Variants in FBXW7 observed in about 807,000 individuals in gnomAD.
The protein encoded by FBXW7 is F-box and WD repeat domain containing 7, also known as F-box/WD repeat-containing protein 7.
Under a neutral mutation model 86.3 loss-of-function variants are expected in FBXW7, and 11 were observed. That is an observed-to-expected ratio of 0.13 (90% CI 0.08 to 0.21). The LOEUF (loss-of-function observed/expected upper bound fraction) is 0.21, where lower values mean the gene tolerates loss of function less well. Among genes scored for constraint, FBXW7 ranks in the 10% least tolerant of loss-of-function variants. The pLI is 1.00. For missense variants in FBXW7, 488 were observed against 847.4 expected (o/e 0.58, Z 5.27); for synonymous variants, 313 against 297.9 (o/e 1.05, Z -0.52).
intron 11 of FBXW7, among the ~76,000 whole-genome samples, chr4:152,326,902 A>G (rs1260573912): frequency 6.6e-6 from 1 of 152,154 alleles, no homozygotes; most frequent in Non-Finnish European, 1.5e-5. Flanking sequence ...AATATGCAAT[A>G]GGCTATAAAA....
intron 2 of FBXW7, among the ~76,000 whole-genome samples, chr4:152,484,429 A>G (rs1234888501): frequency 6.6e-6 from 1 of 152,148 alleles, no homozygotes; most frequent in East Asian, 1.9e-4. Context: ...GGAAAAAGAG[A>G]AGCTCAGATA....
intron 2 of FBXW7, among the ~76,000 whole-genome samples, chr4:152,511,299 C>G (rs557012180): frequency 2.0e-5 from 3 of 151,284 alleles, no homozygotes; most frequent in Admixed American, 1.3e-4. Flanking sequence ...CCCGCCCCCC[C>G]CACCGAATCC....
chr4:152,365,935 T>A lies in FBXW7; in HGVS notation c.502-15811A>T, dbSNP rs537252960. On this transcript the variant is annotated intron_variant, in intron 4 of 13. Coordinates refer to ENST00000281708, the MANE Select transcript of FBXW7 (RefSeq NM_001349798.2). ...ATTCTGTTTTGATTCTTGTTGTATC[T>A]CAGCTCCTCACATAGTTCCTGCATA... Among the ~76,000 whole-genome samples the A allele has an allele frequency of 9.1e-4, 139 of 152,286 alleles. 3 individuals are homozygous for A. In the South Asian group the frequency reaches 0.028, roughly 31 times the overall value.
intron 4 of FBXW7, among the ~76,000 whole-genome samples, chr4:152,402,698 ACT>A (rs1365874122): frequency 6.6e-6 from 1 of 152,194 alleles, no homozygotes; most frequent in Non-Finnish European, 1.5e-5. Context: ...ACATATTAGG[ACT>A]GTTAAGATAA....
At chr4:152,471,448 A>G (rs1475043838) in intron 2 of FBXW7, among the ~76,000 whole-genome samples, 2 of 124,838 alleles carry the variant, frequency 1.6e-5, no homozygotes, top group Non-Finnish European at 3.4e-5. Context: ...AAGGAAAGAG[A>G]GAAGGAAGGA....
rs1332045020 is a variant in FBXW7, at chr4:152,535,681, G to C, written c.-767C>G. The stretch of plus-strand genomic sequence containing the variant: ...GCTGGGACCCCCCTCCCTACACCTT[G>C]GGGGTCTCGCCCCACGCCCCACGGG... On this transcript the variant is annotated 5_prime_UTR_variant, in exon 1 of 14. Transcript: ENST00000281708. 4 of 395,994 alleles carry C rather than the reference G, an allele frequency of 1.0e-5. No individual in the cohort carries two copies. The highest frequency in any genetic ancestry group is 1.8e-5 in the Non-Finnish European group (4 of 224,330). The allele number at this position is 395,994 out of a possible 1,614,324, so 24.5% of individuals were successfully genotyped here. A position where few individuals can be genotyped will look rare whatever the true frequency, so the allele number is the denominator to read the frequency against.
intron 2 of FBXW7, among the ~76,000 whole-genome samples, chr4:152,469,849 A>G (rs1292446096): frequency 2.0e-5 from 3 of 152,156 alleles, no homozygotes; most frequent in Non-Finnish European, 4.4e-5. Context: ...TATAACTATA[A>G]TTTACACTCA....
intron 2 of FBXW7, among the ~76,000 whole-genome samples, chr4:152,475,258 C>T (rs1042002037): frequency 3.3e-5 from 5 of 151,668 alleles, no homozygotes; most frequent in Admixed American, 3.3e-4. Context: ...AAGACCTCAT[C>T]TCCACAAAAA....
chr4:152,512,921 G>A (rs1360965371), intron 2 of FBXW7, among the ~76,000 whole-genome samples: 1 of 152,156 alleles, frequency 6.6e-6, no homozygotes, highest in Non-Finnish European at 1.5e-5. Flanking sequence ...AGTGCAAATG[G>A]CACCATCTCG....
At chr4:152,519,663 ATT>A (rs1422768520) in intron 2 of FBXW7, among the ~76,000 whole-genome samples, 1 of 152,246 alleles carries the variant, frequency 6.6e-6, no homozygotes, top group African/African-American at 2.4e-5. Context: ...ACGGACTTCA[ATT>A]TCACAATTAT....
chr4:152,325,846 C>T (rs1012261898), intron 12 of FBXW7, 160 bp downstream of exon 12: 5 of 549,766 alleles, frequency 9.1e-6, no homozygotes, highest in African/African-American at 5.6e-5. Flanking sequence ...TTGAAATTTA[C>T]ACTTTCTTCA....
chr4:152,501,661 G>A lies in FBXW7; in HGVS notation c.-120+33280C>T, dbSNP rs546807306. 2.0e-5 allele frequency among the ~76,000 whole-genome samples: 3 copies of A among 152,242 alleles called. No individual in the cohort carries two copies. The South Asian group carries it at 6.2e-4, about 32-fold the overall frequency. ...TCCACAATCCATGTCAACTGAAATTGAGCTTGCTAATCTAAAGTTTGTTGT... is the reference window on the plus strand; with the variant it reads ...TCCACAATCCATGTCAACTGAAATTAAGCTTGCTAATCTAAAGTTTGTTGT... On this transcript the variant is annotated intron_variant, in intron 2 of 13. Transcript: ENST00000281708.
intron 2 of FBXW7, among the ~76,000 whole-genome samples, chr4:152,532,839 G>C (rs1409212472): frequency 6.6e-6 from 1 of 152,088 alleles, no homozygotes; most frequent in Non-Finnish European, 1.5e-5. Context: ...CATCTCAAAG[G>C]CAGGGACCCC....
chr4:152,393,768 G>A (rs1736189068), intron 4 of FBXW7, among the ~76,000 whole-genome samples: 1 of 152,024 alleles, frequency 6.6e-6, no homozygotes, highest in African/African-American at 2.4e-5. Flanking sequence ...AACCAACCAA[G>A]TAATGCATCT....
intron 4 of FBXW7, among the ~76,000 whole-genome samples, chr4:152,379,819 G>A (rs1560827095): frequency 6.6e-6 from 1 of 152,066 alleles, no homozygotes; most frequent in Non-Finnish European, 1.5e-5. Flanking sequence ...TTAACTACCA[G>A]TACTAATATT....
chr4:152,375,356 AT>A (rs944471139), intron 4 of FBXW7, among the ~76,000 whole-genome samples: 62 of 152,278 alleles, frequency 4.1e-4, no homozygotes, highest in African/African-American at 1.4e-3. Context: ...GACTCTCCAT[AT>A]AAAAAATATG....
chr4:152,407,523 G>A (rs1440854204), intron 4 of FBXW7, among the ~76,000 whole-genome samples: 1 of 152,162 alleles, frequency 6.6e-6, no homozygotes, highest in Non-Finnish European at 1.5e-5. Flanking sequence ...TTAGAGCCCT[G>A]TTATATTTCC....
chr4:152,417,440 T>C (rs920757268), intron 2 of FBXW7, among the ~76,000 whole-genome samples: 1 of 152,052 alleles, frequency 6.6e-6, no homozygotes, highest in Non-Finnish European at 1.5e-5. Context: ...GTTAGGTATG[T>C]ATGTGGCAGG....
At chr4:152,534,053 T>C (rs1317366813) in intron 2 of FBXW7, among the ~76,000 whole-genome samples, 1 of 152,180 alleles carries the variant, frequency 6.6e-6, no homozygotes, top group East Asian at 1.9e-4. Context: ...TTAATTACTT[T>C]CATAAACCTT....
Sources: gnomAD v4.1 joint callset for allele counts (sites outside exome capture counted in the v4.1 genomes callset) on GRCh38, gnomAD v4.1.1 for gene constraint, MANE v1.5 for transcripts, NCBI Gene and HGNC (gene_info 2026-07-23, HGNC 2026-07-21) for gene names.